The following TGFB2 variants were observed in gnomAD, a reference collection of about 807,000 sequenced individuals.
TGFB2 encodes transforming growth factor beta 2.
In TGFB2, 13 loss-of-function variants were observed where a neutral mutation model predicts 42.7. That is an observed-to-expected ratio of 0.30 (90% CI 0.20 to 0.48). TGFB2 has a LOEUF of 0.48. TGFB2 is among the 20% of genes least tolerant of loss of function. TGFB2 has a pLI of 0.99. For missense variants in TGFB2, 390 were observed against 517.5 expected (o/e 0.75, Z 2.39); for synonymous variants, 193 against 193.6 (o/e 1.00, Z 0.03).
chr1:218,406,659 T>C (rs1658921995), intron 2 of TGFB2, among the ~76,000 whole-genome samples: 1 of 152,066 alleles, frequency 6.6e-6, no homozygotes, highest in South Asian at 2.1e-4. Context: ...CCTTGAGACG[T>C]ATCTATTAAA....
At chr1:218,375,264 A>G (rs1162249613) in intron 1 of TGFB2, among the ~76,000 whole-genome samples, 1 of 152,156 alleles carries the variant, frequency 6.6e-6, no homozygotes, top group Non-Finnish European at 1.5e-5. Context: ...CAAGAAAGTG[A>G]CTCACACATG....
At position 218,349,914 on chromosome 1, in the gene TGFB2, T is replaced by C. The variant is rs115654275; in HGVS notation, c.346+2867T>C. ...ATATAAATAATACTGTGTCAACATT[T>C]AAAGAAGGGGTCTGATTAGTTTTGA... On this transcript the variant is annotated intron_variant, in intron 1 of 6. Coordinates refer to ENST00000366930, the MANE Select transcript of TGFB2 (RefSeq NM_003238.6). Among the ~76,000 whole-genome samples the C allele has an allele frequency of 5.3e-3, 809 of 152,342 alleles. 11 individuals are homozygous for C. The highest frequency in any genetic ancestry group is 0.019 in the African/African-American group (774 of 41,572).
intron 1 of TGFB2, among the ~76,000 whole-genome samples, chr1:218,385,279 A>T (rs1658096117): frequency 6.6e-6 from 1 of 152,216 alleles, no homozygotes; most frequent in African/African-American, 2.4e-5. Flanking sequence ...TGTGGACAGC[A>T]TATTGTTATT....
chr1:218,377,617 G>T (rs1412855310), intron 1 of TGFB2, among the ~76,000 whole-genome samples: 1 of 152,052 alleles, frequency 6.6e-6, no homozygotes, highest in Non-Finnish European at 1.5e-5. Context: ...TGCTTCCTCA[G>T]CACAAAAATC....
rs1021199003 is a variant in TGFB2, at chr1:218,443,019, G to A, written c.*1657G>A. On this transcript the variant is annotated 3_prime_UTR_variant, in exon 7 of 7. Transcript: ENST00000366930. ...AAATTGAAAGATATATATTTTAGTC[G>A]ATTTTTCAAAAGGGGAAAAAAGTCC... The A allele has an allele frequency of 2.0e-5, 3 of 151,966 alleles. No homozygotes were observed. Among genetic ancestry groups the A allele is most frequent in the African/African-American group, 7.3e-5 (3 of 41,374 alleles). 9.4% of individuals were successfully genotyped at this position (151,966 alleles called of 1,614,324 possible). A position where few individuals can be genotyped will look rare whatever the true frequency, so the allele number is the denominator to read the frequency against.
intron 1 of TGFB2, among the ~76,000 whole-genome samples, chr1:218,397,518 C>T (rs1187766489): frequency 1.8e-4 from 27 of 149,318 alleles, no homozygotes; most frequent in Non-Finnish European, 3.0e-4. Flanking sequence ...GAGCCGAGAT[C>T]GCGCCACTGC....
Position 218,346,657 on chromosome 1 carries a change from T to G in TGFB2, c.-45T>G, listed in dbSNP as rs1656688929. The G allele has an allele frequency of 1.3e-6, 2 of 1,500,046 alleles. No homozygotes were observed. The highest frequency in any genetic ancestry group is 2.2e-5 in the Admixed American group (1 of 45,976). The allele number at this position is 1,500,046 out of a possible 1,614,324, so 92.9% of individuals were successfully genotyped here. Reference sequence around the variant, plus strand: ...TTGAGAATTGTTGATTTCTTTTTTTTATTCTGACTTTTAAAAACAACTTTT... The same window carrying G: ...TTGAGAATTGTTGATTTCTTTTTTTGATTCTGACTTTTAAAAACAACTTTT... On this transcript the variant is annotated 5_prime_UTR_variant, in exon 1 of 7. Transcript: ENST00000366930. This position sits in a 1 kb window ranked among gnomAD's most constrained non-coding sequence, Gnocchi z 4.9.
intron 1 of TGFB2, among the ~76,000 whole-genome samples, chr1:218,386,501 G>T (rs1289760693): frequency 6.6e-6 from 1 of 152,166 alleles, no homozygotes; most frequent in Admixed American, 6.5e-5. Context: ...AATCTAATGG[G>T]CCAACAAAAC....
chr1:218,420,765 A>G (rs191760058), intron 2 of TGFB2, among the ~76,000 whole-genome samples: 4 of 152,282 alleles, frequency 2.6e-5, no homozygotes. Context: ...GGTGTATATC[A>G]ATGTGTAATA....
intron 1 of TGFB2, among the ~76,000 whole-genome samples, chr1:218,389,862 A>G (rs1233657270): frequency 6.6e-6 from 1 of 152,232 alleles, no homozygotes; most frequent in African/African-American, 2.4e-5. Flanking sequence ...TATGTGAGAA[A>G]TAAACATCTT....
intron 1 of TGFB2, among the ~76,000 whole-genome samples, chr1:218,358,027 A>G (rs1300715172): frequency 1.3e-5 from 2 of 152,230 alleles, no homozygotes; most frequent in African/African-American, 4.8e-5. Flanking sequence ...ACACTGACAA[A>G]TACCACATCT....
intron 1 of TGFB2, among the ~76,000 whole-genome samples, chr1:218,383,616 C>T (rs1045871929): frequency 1.3e-5 from 2 of 152,156 alleles, no homozygotes; most frequent in Admixed American, 1.3e-4. Context: ...AAAGTCCTAG[C>T]AAGAAATGGC....
At chr1:218,399,838 G>A (rs1229595274) in intron 1 of TGFB2, among the ~76,000 whole-genome samples, 1 of 152,026 alleles carries the variant, frequency 6.6e-6, no homozygotes, top group African/African-American at 2.4e-5. Context: ...CTGACCACCT[G>A]GCAGTTCTGT....
intron 1 of TGFB2, among the ~76,000 whole-genome samples, chr1:218,367,113 G>A (rs12077374): frequency 0.042 from 6,444 of 152,310 alleles, 314 homozygotes; most frequent in African/African-American, 0.12. Flanking sequence ...TCTGCACTCA[G>A]ATGCCTTCAA....
At chr1:218,387,458 G>T (rs1328556971) in intron 1 of TGFB2, among the ~76,000 whole-genome samples, 1 of 152,142 alleles carries the variant, frequency 6.6e-6, no homozygotes, top group Admixed American at 6.5e-5. Context: ...CCTGGAAAAG[G>T]CATGCCCAGC....
chr1:218,350,314 C>T (rs1227320801), intron 1 of TGFB2, among the ~76,000 whole-genome samples: 2 of 152,204 alleles, frequency 1.3e-5, no homozygotes, highest in African/African-American at 2.4e-5. Flanking sequence ...ACCCGCACCC[C>T]TACTCCCACT....
intron 2 of TGFB2, among the ~76,000 whole-genome samples, chr1:218,411,893 A>T (rs1191220031): frequency 2.0e-5 from 3 of 151,710 alleles, no homozygotes; most frequent in Non-Finnish European, 4.4e-5. Flanking sequence ...TAGCAGGCCC[A>T]GAAATGACAC....
chr1:218,395,033 T>A (rs1202952174), intron 1 of TGFB2, among the ~76,000 whole-genome samples: 3 of 152,148 alleles, frequency 2.0e-5, no homozygotes, highest in South Asian at 2.1e-4. Flanking sequence ...TACACATTCA[T>A]TAAGCATGTC....
chr1:218,422,810 T>G (rs1487287042), intron 2 of TGFB2, among the ~76,000 whole-genome samples: 1 of 152,188 alleles, frequency 6.6e-6, no homozygotes, highest in Non-Finnish European at 1.5e-5. Context: ...TATAATGCAA[T>G]GCTTTGCTTA....
Sources: allele counts gnomAD v4.1 joint callset (sites outside exome capture counted in the v4.1 genomes callset), GRCh38; gene constraint gnomAD v4.1.1; non-coding constraint Gnocchi (gnomAD v3.1); transcripts MANE v1.5; gene names NCBI Gene and HGNC (gene_info 2026-07-23, HGNC 2026-07-21).